The following CPLANE1 variants were observed in gnomAD, a reference collection of about 807,000 sequenced individuals.
The protein encoded by CPLANE1 is ciliogenesis and planar polarity effector 1.
In CPLANE1, 263 loss-of-function variants were observed where a neutral mutation model predicts 362.5. That is an observed-to-expected ratio of 0.73 (90% CI 0.66 to 0.80). The LOEUF is 0.80. Ranked by LOEUF, CPLANE1 falls within the 30% of genes least tolerant of loss-of-function variation. The pLI is 0.00. For synonymous variants in CPLANE1, 1,212 were observed against 1,302.6 expected (o/e 0.93, Z 1.50); for missense variants, 3,461 against 3,793.4 (o/e 0.91, Z 2.30).
intron 16 of CPLANE1, among the ~76,000 whole-genome samples, chr5:37,208,675 T>TCCC (rs34843144): frequency 4.8e-5 from 3 of 62,330 alleles, no homozygotes; most frequent in African/African-American, 7.9e-5. Flanking sequence ...AGACTCTGTC[T>TCCC]CCCCCCCCCC....
chr5:37,157,742 A>C lies in CPLANE1; in HGVS notation c.7939T>G (p.Ser2647Ala), dbSNP rs1341812944. The change falls in exon 40 of 53, where the codon TCG (serine) becomes GCG (alanine). Residue 2647 changes from serine (S) to alanine (A), a missense_variant. By Grantham distance (99) the Ser-to-Ala change is moderately conservative. Coordinates refer to ENST00000651892, the MANE Select transcript of CPLANE1 (RefSeq NM_001384732.1). ...KQQSDHLAVP[S>A]SAELHYMAAS... ...GCCATATAATGTAACTCTGCAGACGATGGAACTGCTAGATGATCGCTTTGC... is the reference window on the plus strand; with the variant it reads ...GCCATATAATGTAACTCTGCAGACGCTGGAACTGCTAGATGATCGCTTTGC... 6.2e-6 allele frequency: 10 copies of C among 1,613,968 alleles called. No individual in the cohort carries two copies. The highest frequency in any genetic ancestry group is 8.5e-6 in the Non-Finnish European group (10 of 1,179,888).
At chr5:37,239,973 G>T in intron 6 of CPLANE1, 104 bp from the exon 7 acceptor site, 1 of 717,464 alleles carries the variant, frequency 1.4e-6, no homozygotes, top group Non-Finnish European at 2.1e-6. Flanking sequence ...TCCTACATGT[G>T]CACATGTACT....
chr5:37,246,873 G>A (rs1051226007), intron 2 of CPLANE1, among the ~76,000 whole-genome samples: 7 of 151,946 alleles, frequency 4.6e-5, no homozygotes, highest in Non-Finnish European at 5.9e-5. Flanking sequence ...ATGCCATTGC[G>A]TCCAGCCTGG....
intron 23 of CPLANE1, among the ~76,000 whole-genome samples, chr5:37,187,130 A>G (rs1422000179): frequency 1.3e-5 from 2 of 150,044 alleles, no homozygotes; most frequent in East Asian, 2.0e-4. Context: ...GAACTTATTC[A>G]TCTTGTAACT....
intron 38 of CPLANE1, among the ~76,000 whole-genome samples, chr5:37,160,321 G>A (rs1391525082): frequency 3.3e-5 from 5 of 152,120 alleles, no homozygotes; most frequent in African/African-American, 9.7e-5. Context: ...TTGGGAGGCC[G>A]AGGAGGGCAA....
intron 27 of CPLANE1, 116 bp downstream of exon 27, chr5:37,180,741 C>A (rs1445237624): frequency 7.7e-6 from 7 of 910,432 alleles, no homozygotes; most frequent in Non-Finnish European, 1.2e-5. Flanking sequence ...GCCTGCTCCT[C>A]TACTTCAAAA....
chr5:37,184,735 A>C, intron 25 of CPLANE1, 53 bp downstream of exon 25: 1 of 1,515,844 alleles, frequency 6.6e-7, no homozygotes, highest in African/African-American at 1.4e-5. Flanking sequence ...AGATGCCTGA[A>C]AGCTACTTTT....
At chr5:37,099,228 A>G in the CPLANE1 span, among the ~76,000 whole-genome samples, 1 of 152,130 alleles carries the variant, frequency 6.6e-6, no homozygotes, top group Non-Finnish European at 1.5e-5. Flanking sequence ...AGATCATCCC[A>G]TCACCTAGAT....
intron 9 of CPLANE1, 38 bp from the exon 10 acceptor site, chr5:37,227,855 GA>G (rs1223680860): frequency 4.7e-6 from 7 of 1,484,194 alleles, no homozygotes; most frequent in Non-Finnish European, 4.5e-6. Context: ...ATCAGTAAGA[GA>G]AAGATCTTAC....
At chr5:37,211,992 CA>C in intron 16 of CPLANE1, 1 of 929,484 alleles carries the variant, frequency 1.1e-6, no homozygotes, top group Non-Finnish European at 1.8e-6. Flanking sequence ...AATTGAAGAA[CA>C]AAAGGAAGAA....
At chr5:37,158,122 G>T in intron 39 of CPLANE1, 102 bp downstream of exon 39, 2 of 1,314,424 alleles carry the variant, frequency 1.5e-6, no homozygotes, top group East Asian at 2.3e-5. Context: ...ACATAGATGA[G>T]ATTTTTAACC....
chr5:37,224,213 C>A (rs1264478730), intron 14 of CPLANE1, 40 bp downstream of exon 14: 9 of 1,345,006 alleles, frequency 6.7e-6, no homozygotes, highest in Non-Finnish European at 9.3e-6. Context: ...AAAAGGAGTC[C>A]TGCTAATATT....
chr5:37,138,754 G>A lies in CPLANE1; in HGVS notation c.8758C>T (p.Leu2920Phe), dbSNP rs1481722112. The change falls in exon 46 of 53, where the codon CTT becomes TTT. Residue 2920 changes from leucine (L) to phenylalanine (F), a missense_variant. Around this residue, in one of 2 missense-constraint regions of CPLANE1, gnomAD observed 3,380 missense variants for 3,666.1 expected, o/e 0.92. Transcript: ENST00000651892. ...IIKDGVSSEELGLTEQAMGTS... is the reference protein window; with the variant it reads ...IIKDGVSSEEFGLTEQAMGTS... ...CCCATAGCTTGTTCTGTTAAGCCAA[G>A]TTCTTCACTGGAAACTCCGTCTTTA... 1.2e-6 allele frequency: 2 copies of A among 1,612,918 alleles called. No individual in the cohort carries two copies. Among genetic ancestry groups the A allele is most frequent in the Admixed American group, 3.3e-5 (2 of 59,876 alleles).
intron 21 of CPLANE1, among the ~76,000 whole-genome samples, chr5:37,190,289 G>A (rs1785163787): frequency 1.3e-5 from 2 of 151,890 alleles, no homozygotes. Context: ...TGGACTTATA[G>A]GCCAGGCATG....
chr5:37,139,509 C>T (rs1769002840), intron 44 of CPLANE1, 139 bp from the exon 45 acceptor site: 15 of 1,114,618 alleles, frequency 1.3e-5, no homozygotes, highest in African/African-American at 3.3e-5. Flanking sequence ...TATATATTTA[C>T]AGCATATTTA....
chr5:37,175,868 C>A (rs1402592554), intron 31 of CPLANE1, 41 bp downstream of exon 31: 1 of 1,365,896 alleles, frequency 7.3e-7, no homozygotes, highest in Admixed American at 1.8e-5. Flanking sequence ...ATTTGTAAAA[C>A]ACAACTATTT....
chr5:37,192,821 A>G, intron 21 of CPLANE1, among the ~76,000 whole-genome samples: 1 of 138,562 alleles, frequency 7.2e-6, no homozygotes, highest in Non-Finnish European at 1.5e-5. Flanking sequence ...GTGCCACTAC[A>G]CTCCAGCCTG....
intron 8 of CPLANE1, among the ~76,000 whole-genome samples, chr5:37,237,324 T>C (rs920261206): frequency 1.3e-5 from 2 of 152,188 alleles, no homozygotes; most frequent in Non-Finnish European, 2.9e-5. Flanking sequence ...GAGGTCATTA[T>C]CCTAGGTAAA....
Position 37,244,422 on chromosome 5 carries a change from T to C in CPLANE1, c.523A>G (p.Thr175Ala), listed in dbSNP as rs886060586. ...TTCACTACAGCTTCTTTATCTTCGG[T>C]GGAAGGCAAGAGAACTGCTTCTTCA... ...IPEEAVLLPSTEDKEAVVNAV... is the reference protein window; with the variant it reads ...IPEEAVLLPSAEDKEAVVNAV... The change falls in exon 5 of 53, where the codon ACC (threonine) becomes GCC (alanine). Residue 175 changes from threonine to alanine, a missense_variant. By Grantham distance (58) the Thr-to-Ala change is moderately conservative (BLOSUM62 0). Coordinates refer to ENST00000651892, the MANE Select transcript of CPLANE1 (RefSeq NM_001384732.1). 5 of 1,551,084 alleles carry C rather than the reference T, an allele frequency of 3.2e-6. No homozygotes were observed. Among genetic ancestry groups the C allele is most frequent in the African/African-American group, 1.4e-5 (1 of 72,994 alleles).
Sources: gnomAD v4.1 joint callset for allele counts (sites outside exome capture counted in the v4.1 genomes callset) on GRCh38, gnomAD v4.1.1 for gene constraint, gnomAD v4.1.1 regional missense constraint, MANE v1.5 for transcripts, NCBI Gene and HGNC (gene_info 2026-07-23, HGNC 2026-07-21) for gene names.